HYDIN: variants seen among roughly 807,000 people sequenced by gnomAD.
HYDIN encodes axonemal central pair apparatus protein HYDIN.
Under a neutral mutation model 403.9 loss-of-function variants are expected in HYDIN, and 132 were observed. That is an observed-to-expected ratio of 0.33 (90% CI 0.28 to 0.38). The LOEUF (loss-of-function observed/expected upper bound fraction) is 0.38. Ranked by LOEUF, HYDIN falls within the 10% of genes least tolerant of loss-of-function variation. The pLI is 1.00. For synonymous variants in HYDIN, 1,202 were observed against 1,891.7 expected (o/e 0.64, Z 9.46); for missense variants, 2,827 against 5,009.5 (o/e 0.56, Z 13.15).
At chr16:71,035,538 G>A (rs1426372667) in intron 18 of HYDIN, among the ~76,000 whole-genome samples, 2 of 137,012 alleles carry the variant, frequency 1.5e-5, no homozygotes, top group East Asian at 4.0e-4. Context: ...CACAATCAAA[G>A]CAATACATGG....
chr16:70,810,249 G>A (rs2035390591), intron 84 of HYDIN, among the ~76,000 whole-genome samples: 1 of 152,096 alleles, frequency 6.6e-6, no homozygotes, highest in Non-Finnish European at 1.5e-5. Context: ...GCAGGTGCTG[G>A]ACTGTCTCCT....
At chr16:71,016,049 T>A (rs892473592) in intron 23 of HYDIN, among the ~76,000 whole-genome samples, 21 of 151,340 alleles carry the variant, frequency 1.4e-4, no homozygotes, top group Non-Finnish European at 1.8e-4. Context: ...CAATGTAGGG[T>A]CCTACTCAGT....
chr16:71,175,623 G>T lies in HYDIN; in HGVS notation c.500C>A (p.Thr167Asn). 1 of 1,614,038 alleles carries T rather than the reference G, an allele frequency of 6.2e-7. No homozygotes were observed. Among genetic ancestry groups the T allele is most frequent in the African/African-American group, 1.3e-5 (1 of 75,064 alleles). The change falls in exon 5 of 86, where the codon ACT (threonine) becomes AAT (asparagine). Residue 167 changes from threonine to asparagine, a missense_variant. Coordinates refer to ENST00000393567, the MANE Select transcript of HYDIN (RefSeq NM_001270974.2). ...GVPSIFRILF[T>N]PEENKDYAHT... Reference sequence around the variant, plus strand: ...TGGTATTACCTTGTTCTCCTCTGGAGTAAAGAGGATTCGGAATATGGAAGG... The same window carrying T: ...TGGTATTACCTTGTTCTCCTCTGGATTAAAGAGGATTCGGAATATGGAAGG...
At chr16:71,221,681 G>C (rs2089208504) in intron 1 of HYDIN, among the ~76,000 whole-genome samples, 1 of 152,072 alleles carries the variant, frequency 6.6e-6, no homozygotes, top group African/African-American at 2.4e-5. Context: ...ATTCTAAGAA[G>C]AATGTATTTG....
At chr16:71,063,827 T>C (rs1568089220) in intron 16 of HYDIN, among the ~76,000 whole-genome samples, 1 of 152,014 alleles carries the variant, frequency 6.6e-6, no homozygotes, top group East Asian at 1.9e-4. Context: ...ACTGCGAACA[T>C]GGTGCTTTTT....
At position 71,129,676 on chromosome 16, in the gene HYDIN, C is replaced by A; in HGVS notation, c.1191G>T (p.Lys397Asn). The A allele has an allele frequency of 6.8e-7, 1 of 1,481,414 alleles. No homozygotes were observed. The highest frequency in any genetic ancestry group is 1.5e-5 in the African/African-American group (1 of 67,370). 91.8% of individuals were successfully genotyped at this position (1,481,414 alleles called of 1,614,324 possible). Residue 397 changes from lysine to asparagine, a missense_variant, in exon 9 of 86, where the codon AAG becomes AAT. Lys to Asn is a moderately conservative substitution (Grantham distance 94). Transcript: ENST00000393567. ...NQRRLVQGDS[K>N]LFFNNVFTVE... ...CAGTGAAAACGTTATTGAAGAACAGCTTGCTGTCTCCCTGCACCAGCCTCC... is the reference window on the plus strand; with the variant it reads ...CAGTGAAAACGTTATTGAAGAACAGATTGCTGTCTCCCTGCACCAGCCTCC...
At chr16:71,130,442 G>C (rs1030779362) in intron 8 of HYDIN, among the ~76,000 whole-genome samples, 3 of 148,316 alleles carry the variant, frequency 2.0e-5, no homozygotes, top group Non-Finnish European at 4.5e-5. Context: ...CAGTTCCTGG[G>C]ACAAAGCTGG....
intron 41 of HYDIN, among the ~76,000 whole-genome samples, chr16:70,948,478 GCTT>G (rs2077953459): frequency 1.3e-5 from 2 of 150,300 alleles, no homozygotes; most frequent in African/African-American, 4.9e-5. Context: ...AAACTAAAGA[GCTT>G]CTGCACAGCA....
intron 47 of HYDIN, among the ~76,000 whole-genome samples, chr16:70,911,639 C>A (rs1465533614): frequency 2.0e-5 from 3 of 151,620 alleles, no homozygotes; most frequent in African/African-American, 7.3e-5. Flanking sequence ...TTTCCTAATT[C>A]TGTGAAGAAT....
intron 45 of HYDIN, chr16:70,933,498 T>G (rs1293689646): frequency 6.7e-6 from 1 of 149,762 alleles, no homozygotes; most frequent in African/African-American, 2.5e-5. Flanking sequence ...GGAAAAGGAG[T>G]GCCTGCTTTG....
At chr16:70,998,852 A>G (rs1337594014) in intron 23 of HYDIN, among the ~76,000 whole-genome samples, 1 of 151,994 alleles carries the variant, frequency 6.6e-6, no homozygotes, top group African/African-American at 2.4e-5. Flanking sequence ...ATCATCCTAC[A>G]TTGGGAAGCA....
At chr16:71,213,428 T>A (rs1392889455) in intron 1 of HYDIN, among the ~76,000 whole-genome samples, 3 of 152,132 alleles carry the variant, frequency 2.0e-5, no homozygotes, top group African/African-American at 7.2e-5. Flanking sequence ...AGTTCTGAGA[T>A]CTCTCTAATG....
In HYDIN at chr16:70,809,979, AGG is replaced by A. The variant is rs914971759; in HGVS notation, c.14685_14686del (p.Leu4896GlufsTer15). The stretch of plus-strand genomic sequence containing the variant: ...TCTTCCGAAGGTTTCTCCAGCTTTC[AGG>A]GGCTGAAATTCAAATGAGAACGTGC... On this transcript the variant is annotated frameshift_variant, in exon 85 of 86. Coordinates refer to ENST00000393567, the MANE Select transcript of HYDIN (RefSeq NM_001270974.2). LOFTEE classifies it high-confidence loss of function. The A allele has an allele frequency of 1.2e-6, 2 of 1,614,078 alleles. No individual in the cohort carries two copies. Among genetic ancestry groups the A allele is most frequent in the African/African-American group, 1.3e-5 (1 of 74,920 alleles).
intron 9 of HYDIN, among the ~76,000 whole-genome samples, chr16:71,124,115 G>A (rs552919067): frequency 6.6e-6 from 1 of 151,196 alleles, no homozygotes; most frequent in South Asian, 2.1e-4. Context: ...TCGATCACAA[G>A]GAAGAGAGGG....
At chr16:71,175,108 A>G (rs1046189446) in intron 5 of HYDIN, among the ~76,000 whole-genome samples, 6 of 149,844 alleles carry the variant, frequency 4.0e-5, no homozygotes, top group African/African-American at 1.5e-4. Flanking sequence ...ACCACCCACC[A>G]ACTCTACAAA....
intron 72 of HYDIN, among the ~76,000 whole-genome samples, chr16:70,857,053 C>T (rs2039069003): frequency 7.0e-6 from 1 of 142,548 alleles, no homozygotes; most frequent in African/African-American, 2.7e-5. Context: ...ATGACAATTA[C>T]TTCGTTTCAC....
intron 84 of HYDIN, among the ~76,000 whole-genome samples, chr16:70,815,979 T>TG (rs2035811410): frequency 6.7e-6 from 1 of 149,508 alleles, no homozygotes; most frequent in Non-Finnish European, 1.5e-5. Flanking sequence ...CGTAGTGGTG[T>TG]GCGCCTGTAA....
chr16:71,033,916 T>G (rs1256995900), intron 18 of HYDIN, among the ~76,000 whole-genome samples: 8 of 152,060 alleles, frequency 5.3e-5, no homozygotes, highest in African/African-American at 1.9e-4. Context: ...AATATTTAGT[T>G]ATTACCAATA....
intron 23 of HYDIN, among the ~76,000 whole-genome samples, chr16:71,012,549 G>A (rs2144103893): frequency 6.6e-6 from 1 of 152,342 alleles, no homozygotes; most frequent in Admixed American, 6.5e-5. Context: ...ATAGATGAGT[G>A]AGAATTGCCT....
Sources: gnomAD v4.1 joint callset for allele counts (sites outside exome capture counted in the v4.1 genomes callset) on GRCh38, gnomAD v4.1.1 for gene constraint, MANE v1.5 for transcripts, NCBI Gene and HGNC (gene_info 2026-07-23, HGNC 2026-07-21) for gene names.